The following ZRANB3 variants were observed in gnomAD, a reference collection of about 807,000 sequenced individuals.
ZRANB3 encodes DNA annealing helicase and endonuclease ZRANB3.
In ZRANB3, 125 loss-of-function variants were observed where a neutral mutation model predicts 133.8. The observed-to-expected ratio is 0.93, with a 90% CI of 0.81 to 1.08. ZRANB3 has a LOEUF of 1.08. Ranked by LOEUF, ZRANB3 falls within the 50% of genes least tolerant of loss-of-function variation. ZRANB3 has a pLI of 0.00. For synonymous variants in ZRANB3, 387 were observed against 432.7 expected (o/e 0.89, Z 1.31); for missense variants, 1,229 against 1,275.5 (o/e 0.96, Z 0.56).
intron 6 of ZRANB3, among the ~76,000 whole-genome samples, chr2:135,335,479 G>A (rs961481136): frequency 6.6e-6 from 1 of 152,046 alleles, no homozygotes; most frequent in Non-Finnish European, 1.5e-5. Context: ...GATGGCTTGA[G>A]GTCTGGAGTT....
intron 12 of ZRANB3, among the ~76,000 whole-genome samples, chr2:135,257,207 A>G (rs1439780159): frequency 1.3e-5 from 2 of 152,210 alleles, no homozygotes; most frequent in Non-Finnish European, 2.9e-5. Context: ...TCTCTAATAA[A>G]TGTCATTTCA....
chr2:135,482,273 G>C (rs945867963), intron 2 of ZRANB3, among the ~76,000 whole-genome samples: 2 of 133,130 alleles, frequency 1.5e-5, no homozygotes, highest in Non-Finnish European at 3.0e-5. Flanking sequence ...CCATTTGTTT[G>C]TATCCTCTTT....
chr2:135,432,816 A>C (rs1031176323), intron 2 of ZRANB3, among the ~76,000 whole-genome samples: 12 of 152,342 alleles, frequency 7.9e-5, no homozygotes, highest in South Asian at 6.2e-4. Flanking sequence ...GGGCTGTCTT[A>C]AATAGGAGGC....
chr2:135,307,301 A>G (rs1682754260), intron 8 of ZRANB3, among the ~76,000 whole-genome samples: 1 of 152,122 alleles, frequency 6.6e-6, no homozygotes, highest in South Asian at 2.1e-4. Context: ...CCTGGGCTCG[A>G]GCAATCTGCC....
intron 2 of ZRANB3, among the ~76,000 whole-genome samples, chr2:135,414,643 G>T (rs1224247463): frequency 6.6e-6 from 1 of 152,214 alleles, no homozygotes; most frequent in Non-Finnish European, 1.5e-5. Flanking sequence ...CAAATCAACA[G>T]AATATACATT....
chr2:135,373,114 T>C (rs1164843926), intron 3 of ZRANB3, among the ~76,000 whole-genome samples: 2 of 151,240 alleles, frequency 1.3e-5, no homozygotes, highest in African/African-American at 4.9e-5. Context: ...TTTGTCTAGG[T>C]GATGAGATCT....
intron 2 of ZRANB3, among the ~76,000 whole-genome samples, chr2:135,438,482 G>A (rs1689642577): frequency 6.8e-6 from 1 of 148,046 alleles, no homozygotes; most frequent in Non-Finnish European, 1.5e-5. Flanking sequence ...TCTAGCATGG[G>A]TGACAAGAGC....
intron 12 of ZRANB3, among the ~76,000 whole-genome samples, chr2:135,262,859 TTTC>T (rs1403745018): frequency 6.6e-6 from 1 of 151,760 alleles, no homozygotes; most frequent in Non-Finnish European, 1.5e-5. Context: ...TAATATATTA[TTTC>T]TTATTAAATT....
At chr2:135,219,880 CT>C (rs200558924) in intron 15 of ZRANB3, among the ~76,000 whole-genome samples, 11 of 150,568 alleles carry the variant, frequency 7.3e-5, no homozygotes, top group Middle Eastern at 3.4e-3. Context: ...TTTTTTTTCC[CT>C]TTTTTTTTGA....
At chr2:135,306,962 G>A (rs1000261484) in intron 8 of ZRANB3, among the ~76,000 whole-genome samples, 8 of 152,124 alleles carry the variant, frequency 5.3e-5, no homozygotes, top group African/African-American at 1.7e-4. Context: ...CTGGCCTCAA[G>A]TAATCCTCCC....
chr2:135,429,716 C>A (rs1006017419), intron 2 of ZRANB3, among the ~76,000 whole-genome samples: 1 of 152,068 alleles, frequency 6.6e-6, no homozygotes, highest in African/African-American at 2.4e-5. Context: ...AACATACATA[C>A]ATTATTTAGA....
chr2:135,504,569 A>G, intron 1 of ZRANB3, 73 bp from the exon 2 acceptor site: 1 of 1,266,088 alleles, frequency 7.9e-7, no homozygotes, highest in Non-Finnish European at 1.1e-6. Flanking sequence ...ACAGAATCAC[A>G]TATAAATAAT....
chr2:135,391,154 C>T (rs1483385064), intron 2 of ZRANB3, among the ~76,000 whole-genome samples: 3 of 152,076 alleles, frequency 2.0e-5, no homozygotes, highest in South Asian at 2.1e-4. Flanking sequence ...CAACTGTGCC[C>T]GGCCAAAGTG....
intron 8 of ZRANB3, among the ~76,000 whole-genome samples, chr2:135,296,603 C>G (rs1327698217): frequency 6.6e-6 from 1 of 152,164 alleles, no homozygotes; most frequent in Non-Finnish European, 1.5e-5. Context: ...CTCCATCCAG[C>G]TTTGTTCTGT....
rs112606005 is a variant in ZRANB3, at chr2:135,384,045, G to T, written c.180+6757C>A. ...ACAAAAAACCCTTCAAAAAATCAAC[G>T]AATCCAGGAGCTGGTTTTTTGAAAA... On this transcript the variant is annotated intron_variant, in intron 3 of 20. Transcript: ENST00000264159. Among the ~76,000 whole-genome samples the T allele has an allele frequency of 2.0e-5, 3 of 152,204 alleles. No homozygotes were observed. In the East Asian group the frequency reaches 5.8e-4, roughly 29 times the overall value.
chr2:135,459,828 T>C (rs1310626744), intron 2 of ZRANB3, among the ~76,000 whole-genome samples: 1 of 152,180 alleles, frequency 6.6e-6, no homozygotes, highest in Non-Finnish European at 1.5e-5. Context: ...GATATATTTA[T>C]ATTAATTTGA....
At position 135,314,859 on chromosome 2, in the gene ZRANB3, C is replaced by T. The variant is rs138697066; in HGVS notation, c.849+500G>A. Among the ~76,000 whole-genome samples the T allele has an allele frequency of 1.6e-4, 24 of 151,832 alleles. No individual in the cohort carries two copies. The East Asian group carries it at 3.3e-3, about 21-fold the overall frequency. On this transcript the variant is annotated intron_variant, in intron 7 of 20. Coordinates refer to ENST00000264159, the MANE Select transcript of ZRANB3 (RefSeq NM_032143.4). ...TGCCTCCTGGGTTCAAGCTGATTCT[C>T]GTGCCTCAGCCTCCCGAGTAGCTGG...
rs1390723450 is a variant in ZRANB3 at position 135,208,911 on chromosome 2, G to A, written c.2563C>T (p.Arg855Cys). The change falls in exon 18 of 21, where the codon CGT (arginine) becomes TGT (cysteine). Residue 855 changes from arginine (R) to cysteine (C), a missense_variant. Coordinates refer to ENST00000264159, the MANE Select transcript of ZRANB3 (RefSeq NM_032143.4). Reference sequence around the variant, plus strand: ...GGCCTGGACTCCTTTGTGATCAGACGGACATGGCCCCCAACATTCTTCACT... The same window carrying A: ...GGCCTGGACTCCTTTGTGATCAGACAGACATGGCCCCCAACATTCTTCACT... ...DKVKNVGGHV[R>C]LITKESRPRD... is the part of the protein sequence containing the mutation. The A allele has an allele frequency of 3.7e-6, 6 of 1,613,776 alleles. No homozygotes were observed. The highest frequency in any genetic ancestry group is 3.3e-5 in the Admixed American group (2 of 59,992).
At position 135,271,817 on chromosome 2, in the gene ZRANB3, T is replaced by C; in HGVS notation, c.1157A>G (p.Lys386Arg). The change falls in exon 10 of 21, where the codon AAG becomes AGG. Residue 386 changes from lysine (K) to arginine (R), a missense_variant. Physicochemically the swap from Lys to Arg is conservative, Grantham distance 26 (BLOSUM62 2). Transcript: ENST00000264159. ...ERIHLVNQFQKDPDTRVAILS... is the reference protein window; with the variant it reads ...ERIHLVNQFQRDPDTRVAILS... Reference sequence around the variant, plus strand: ...GATAGCCACGCGAGTGTCAGGATCCTTTTGAAACTGATTAACCAGATGTAT... The same window carrying C: ...GATAGCCACGCGAGTGTCAGGATCCCTTTGAAACTGATTAACCAGATGTAT... 6.2e-7 allele frequency: 1 copy of C among 1,613,828 alleles called. No individual in the cohort carries two copies. Among genetic ancestry groups the C allele is most frequent in the Non-Finnish European group, 8.5e-7 (1 of 1,179,818 alleles).
Sources: allele counts gnomAD v4.1 joint callset (sites outside exome capture counted in the v4.1 genomes callset), GRCh38; gene constraint gnomAD v4.1.1; transcripts MANE v1.5; gene names NCBI Gene and HGNC (gene_info 2026-07-23, HGNC 2026-07-21).